PLAC1: variants seen among roughly 807,000 people sequenced by gnomAD.
The protein encoded by PLAC1 is placenta-specific protein 1.
For synonymous variants in PLAC1, 68 were observed against 62.1 expected (o/e 1.09, Z -0.44); for missense variants, 136 against 163.2 (o/e 0.83, Z 0.91).
chrX:134,575,444 C>CA (rs1244138148), intron 2 of PLAC1, among the ~76,000 whole-genome samples: 11 of 79,550 alleles, frequency 1.4e-4, no homozygotes, highest in South Asian at 6.2e-4. Flanking sequence ...ACCCTGTCTC[C>CA]AAAAAAAAAC....
At position 134,577,958 on chromosome X, in the gene PLAC1, A is replaced by T. The variant is rs1029391126; in HGVS notation, c.-58-11218T>A. On this transcript the variant is annotated intron_variant, in intron 2 of 2. Transcript: ENST00000359237. Reference sequence around the variant, plus strand: ...AATCCTGAGATACGGAAGATTATATAACATTTTCTAACAGGGACTTGACCT... The same window carrying T: ...AATCCTGAGATACGGAAGATTATATTACATTTTCTAACAGGGACTTGACCT... Among the ~76,000 whole-genome samples, 127 of 110,433 alleles carry T rather than the reference A, an allele frequency of 1.2e-3. 1 individual carries two copies. Among genetic ancestry groups the T allele is most frequent in the African/African-American group, 4.1e-3 (124 of 30,320 alleles).
upstream of PLAC1, among the ~76,000 whole-genome samples, chrX:134,661,622 G>C (rs977979078): frequency 3.6e-5 from 4 of 112,266 alleles, no homozygotes; most frequent in African/African-American, 1.3e-4. Context: ...AAGCAGTTGA[G>C]AATAGAGACA....
chrX:134,642,387 A>G (rs1204540489), intron 1 of PLAC1, among the ~76,000 whole-genome samples: 1 of 112,085 alleles, frequency 8.9e-6, no homozygotes, highest in African/African-American at 3.2e-5. Flanking sequence ...TACCTCCAAT[A>G]AAATTTCCAT....
chrX:134,709,174 C>T (rs1021618630), intron 2 of PLAC1, among the ~76,000 whole-genome samples: 4 of 112,201 alleles, frequency 3.6e-5, no homozygotes, highest in Non-Finnish European at 7.5e-5. Flanking sequence ...AAAATCACAA[C>T]AGGATTTTTC....
At chrX:134,635,463 G>A (rs1477681709) in intron 1 of PLAC1, among the ~76,000 whole-genome samples, 5 of 110,123 alleles carry the variant, frequency 4.5e-5, no homozygotes, top group African/African-American at 1.7e-4. Context: ...TCAGCCGCCC[G>A]AGTAGTTGGG....
At chrX:134,593,367 A>G (rs1412039796) in intron 2 of PLAC1, among the ~76,000 whole-genome samples, 1 of 112,098 alleles carries the variant, frequency 8.9e-6, no homozygotes, top group Non-Finnish European at 1.9e-5. Context: ...TCTTTTTCAA[A>G]CTTGCTTTAG....
Position 134,701,057 on chromosome X carries a change from C to G in PLAC1, n.174+32378G>C, listed in dbSNP as rs1054298885. ...AACTATACTATAAGGCTACAGTAAT[C>G]AAAACAGTGTGGTACTGGTACAAAA... On this transcript the variant is annotated intron_variant and non_coding_transcript_variant, in intron 2 of 2. Transcript: ENST00000466797. Among the ~76,000 whole-genome samples the G allele has an allele frequency of 5.4e-5, 6 of 111,914 alleles. No individual in the cohort carries two copies. The Admixed American group carries it at 5.7e-4, about 11-fold the overall frequency.
At chrX:134,599,511 C>T (rs41310739) in intron 2 of PLAC1, 1,920 of 111,870 alleles carry the variant, frequency 0.017, 22 homozygotes, top group Non-Finnish European at 0.025. Context: ...CTGAGGCCTC[C>T]CCAGCCATGT....
intron 1 of PLAC1, among the ~76,000 whole-genome samples, chrX:134,639,268 TGA>T (rs1228077923): frequency 8.9e-6 from 1 of 111,889 alleles, no homozygotes; most frequent in Non-Finnish European, 1.9e-5. Flanking sequence ...CTAAAATCTT[TGA>T]TATTTGGGGT....
At position 134,705,023 on chromosome X, in the gene PLAC1, C is replaced by T. The variant is rs866247250; in HGVS notation, n.174+28412G>A. On this transcript the variant is annotated intron_variant and non_coding_transcript_variant, in intron 2 of 2. Transcript: ENST00000466797. Reference sequence around the variant, plus strand: ...AATTATATATATATATATATATATACACACACACACACTAATATATAAAAT... The same window carrying T: ...AATTATATATATATATATATATATATACACACACACACTAATATATAAAAT... 4.3e-3 allele frequency among the ~76,000 whole-genome samples: 378 copies of T among 88,276 alleles called. 9 individuals carry two copies. The highest frequency in any genetic ancestry group is 0.017 in the African/African-American group (357 of 20,770). The allele number at this position is 88,276 out of a possible 115,157, so 76.7% of individuals were successfully genotyped here. A position where few individuals can be genotyped will look rare whatever the true frequency, so the allele number is the denominator to read the frequency against.
At chrX:134,753,607 T>C (rs1040210551) in intron 1 of PLAC1, among the ~76,000 whole-genome samples, 3 of 110,309 alleles carry the variant, frequency 2.7e-5, no homozygotes, top group Non-Finnish European at 5.7e-5. Flanking sequence ...GGGAACGAGA[T>C]GGTATAATCT....
chrX:134,724,823 C>T (rs1348149025), intron 2 of PLAC1, among the ~76,000 whole-genome samples: 5 of 111,123 alleles, frequency 4.5e-5, no homozygotes, highest in Non-Finnish European at 9.4e-5. Context: ...GGCAAGATGA[C>T]GAAACCCCAT....
At chrX:134,575,491 C>T (rs1220734179) in intron 2 of PLAC1, among the ~76,000 whole-genome samples, 1 of 109,019 alleles carries the variant, frequency 9.2e-6, no homozygotes, top group Admixed American at 9.8e-5. Flanking sequence ...GGTGTTGAGC[C>T]GGGCGCAGTG....
At chrX:134,662,123 T>C (rs1291297969), upstream of PLAC1, among the ~76,000 whole-genome samples, 1 of 110,736 alleles carries the variant, frequency 9.0e-6, no homozygotes, top group Non-Finnish European at 1.9e-5. Flanking sequence ...CACACACCTG[T>C]GGTCCCAGCT....
At chrX:134,570,000 T>C (rs1307028402) in intron 2 of PLAC1, among the ~76,000 whole-genome samples, 1 of 110,371 alleles carries the variant, frequency 9.1e-6, no homozygotes, top group African/African-American at 3.3e-5. Flanking sequence ...CTGCTAATTT[T>C]TGTATTTTTA....
chrX:134,599,809 A>T (rs958817589), intron 2 of PLAC1, among the ~76,000 whole-genome samples: 1 of 111,145 alleles, frequency 9.0e-6, no homozygotes, highest in Admixed American at 9.6e-5. Flanking sequence ...CTAGCCCTTC[A>T]CTCTGGGGAG....
intron 1 of PLAC1, among the ~76,000 whole-genome samples, chrX:134,645,951 C>T (rs2078331068): frequency 9.0e-6 from 1 of 111,728 alleles, no homozygotes; most frequent in African/African-American, 3.3e-5. Flanking sequence ...ACGGTTGGAC[C>T]AGGCCAGATT....
chrX:134,686,106 C>G (rs766974440), intron 2 of PLAC1, among the ~76,000 whole-genome samples: 17 of 111,843 alleles, frequency 1.5e-4, no homozygotes, highest in African/African-American at 5.5e-4. Flanking sequence ...ATGGAGTCAC[C>G]TTGTGGTGGG....
intron 2 of PLAC1, among the ~76,000 whole-genome samples, chrX:134,590,063 T>C (rs1478935413): frequency 7.4e-5 from 8 of 108,238 alleles, no homozygotes; most frequent in South Asian, 4.1e-4. Context: ...GGCGTGGTGG[T>C]ACGTGCCTGT....
Sources: allele counts gnomAD v4.1 joint callset (sites outside exome capture counted in the v4.1 genomes callset), GRCh38; gene constraint gnomAD v4.1.1; transcripts MANE v1.5; gene names NCBI Gene and HGNC (gene_info 2026-07-23, HGNC 2026-07-21).